The following SLC9A9 variants were observed in gnomAD, a reference collection of about 807,000 sequenced individuals.
SLC9A9 encodes the protein solute carrier family 9 member A9.
A neutral mutation model predicts 77.8 loss-of-function variants in SLC9A9; 62 were observed. The ratio of observed to expected loss-of-function variants is 0.80; its 90% CI spans 0.65 to 0.98. The LOEUF (loss-of-function observed/expected upper bound fraction) is 0.98, where lower values mean the gene tolerates loss of function less well. Among genes scored for constraint, SLC9A9 ranks in the 50% least tolerant of loss-of-function variants. SLC9A9 has a pLI of 0.00. For synonymous variants in SLC9A9, 320 were observed against 283.5 expected, an observed-to-expected ratio of 1.13 and a Z score of -1.29; for missense variants, 775 against 774.9, an observed-to-expected ratio of 1.00 and a Z score of 0.00.
chr3:143,365,967 T>C (rs185729261), intron 13 of SLC9A9, among the ~76,000 whole-genome samples: 49 of 152,338 alleles, frequency 3.2e-4, no homozygotes, highest in African/African-American at 1.2e-3. Flanking sequence ...GATACGTGGA[T>C]TTTTATCCAT....
chr3:143,550,177 G>A (rs1300796555), intron 9 of SLC9A9, among the ~76,000 whole-genome samples: 1 of 152,158 alleles, frequency 6.6e-6, no homozygotes, highest in Non-Finnish European at 1.5e-5. Context: ...GGGCTTCAAA[G>A]TAAGCTTTCA....
chr3:143,614,780 C>T (rs141446736), intron 6 of SLC9A9, among the ~76,000 whole-genome samples: 18 of 152,198 alleles, frequency 1.2e-4, no homozygotes, highest in African/African-American at 1.4e-4. Context: ...GTGGAGTACT[C>T]GGTGTTTTCT....
intron 9 of SLC9A9, among the ~76,000 whole-genome samples, chr3:143,516,239 GCTCT>G (rs71140441): frequency 6.6e-6 from 1 of 151,374 alleles, no homozygotes; most frequent in Non-Finnish European, 1.5e-5. Context: ...GCTTATTTTT[GCTCT>G]CTCTCTGACT....
rs748350825 is a variant in SLC9A9, at chr3:143,848,291, T to C, written c.32A>G (p.Lys11Arg). Residue 11 changes from lysine (K) to arginine (R), a missense_variant, in exon 1 of 16, where the codon AAG (lysine) becomes AGG (arginine). Transcript: ENST00000316549. MERQSRVMSE[K>R]DEYQFQHQGA... ...CTGATGTTGAAACTGATACTCATCC[T>C]TTTCTGACATAACCCTTGACTGTCT... The C allele has an allele frequency of 6.2e-7, 1 of 1,614,024 alleles. No homozygotes were observed. Among genetic ancestry groups the C allele is most frequent in the South Asian group, 1.1e-5 (1 of 91,076 alleles).
At chr3:143,790,391 T>G (rs535262272) in intron 4 of SLC9A9, among the ~76,000 whole-genome samples, 1 of 152,366 alleles carries the variant, frequency 6.6e-6, no homozygotes, top group Admixed American at 6.5e-5. Context: ...CTGTTTGCAA[T>G]TATATTCACA....
intron 14 of SLC9A9, among the ~76,000 whole-genome samples, chr3:143,305,508 C>T (rs913771597): frequency 2.0e-5 from 3 of 152,170 alleles, no homozygotes; most frequent in African/African-American, 7.2e-5. Context: ...ACCTTAAAGT[C>T]CCAAAGGCAA....
chr3:143,688,790 T>TTAA (rs1933360550), intron 5 of SLC9A9, among the ~76,000 whole-genome samples: 1 of 152,000 alleles, frequency 6.6e-6, no homozygotes, highest in Admixed American at 6.6e-5. Context: ...TCTCATACCA[T>TTAA]AAGCAAAATA....
intron 9 of SLC9A9, among the ~76,000 whole-genome samples, 159 bp downstream of exon 9, chr3:143,552,203 T>C (rs554604867): frequency 6.6e-6 from 1 of 152,320 alleles, no homozygotes; most frequent in African/African-American, 2.4e-5. Flanking sequence ...ATGGTTATCC[T>C]GGAGGGAAAA....
At chr3:143,428,378 A>G (rs1020571804) in intron 12 of SLC9A9, among the ~76,000 whole-genome samples, 1 of 152,198 alleles carries the variant, frequency 6.6e-6, no homozygotes, top group Non-Finnish European at 1.5e-5. Flanking sequence ...CCACGATGAG[A>G]TATCACCTCA....
intron 6 of SLC9A9, among the ~76,000 whole-genome samples, chr3:143,618,889 G>C (rs1370912044): frequency 6.6e-6 from 1 of 152,182 alleles, no homozygotes; most frequent in Non-Finnish European, 1.5e-5. Context: ...AGAGGGTTTA[G>C]ACCATTCTTC....
At chr3:143,376,401 T>A (rs2033181335) in intron 13 of SLC9A9, among the ~76,000 whole-genome samples, 2 of 152,352 alleles carry the variant, frequency 1.3e-5, no homozygotes, top group African/African-American at 4.8e-5. Flanking sequence ...AGCCCATCAC[T>A]GGTTTGTTGT....
At position 143,652,346 on chromosome 3, in the gene SLC9A9, T is replaced by C. The variant is rs1427883487; in HGVS notation, c.664A>G (p.Ile222Val). 1 of 1,612,386 alleles carries C rather than the reference T, an allele frequency of 6.2e-7. No homozygotes were observed. Among genetic ancestry groups the C allele is most frequent in the East Asian group, 2.2e-5 (1 of 44,810 alleles). The change falls in exon 6 of 16, where the codon ATT becomes GTT. Residue 222 changes from isoleucine (I) to valine (V), a missense_variant. Ile to Val is a conservative substitution (Grantham distance 29). Transcript: ENST00000316549. ...SATDPVTVLA[I>V]FHELHVDPDL... ...GGGTCGACGTGCAGTTCATGGAAAA[T>C]GGCCAGCACTGTCACTAGGAAGACA...
At chr3:143,777,589 A>G (rs1488179081) in intron 4 of SLC9A9, among the ~76,000 whole-genome samples, 1 of 152,160 alleles carries the variant, frequency 6.6e-6, no homozygotes, top group Non-Finnish European at 1.5e-5. Flanking sequence ...TCTAAATGAA[A>G]TGCACCTACC....
chr3:143,747,078 C>T (rs143139973), intron 4 of SLC9A9, among the ~76,000 whole-genome samples: 21 of 152,160 alleles, frequency 1.4e-4, no homozygotes, highest in African/African-American at 4.6e-4. Context: ...GGTCCTAATC[C>T]CTGGAACCCA....
At chr3:143,688,106 T>C (rs879327614) in intron 5 of SLC9A9, among the ~76,000 whole-genome samples, 8 of 151,708 alleles carry the variant, frequency 5.3e-5, no homozygotes, top group Non-Finnish European at 1.0e-4. Flanking sequence ...TCTTTTCCTT[T>C]CTTTCTTCTC....
chr3:143,626,766 A>G (rs188243084), intron 6 of SLC9A9: 1 of 152,286 alleles, frequency 6.6e-6, no homozygotes, highest in East Asian at 1.9e-4. Flanking sequence ...TAATATAATA[A>G]TAATTTAAAA....
chr3:143,440,048 A>G (rs927000837), intron 12 of SLC9A9, among the ~76,000 whole-genome samples: 1 of 152,246 alleles, frequency 6.6e-6, no homozygotes, highest in Non-Finnish European at 1.5e-5. Context: ...CATTGTTTTC[A>G]TGCTCACTTA....
intron 14 of SLC9A9, among the ~76,000 whole-genome samples, chr3:143,304,588 A>C (rs1030992793): frequency 6.6e-6 from 1 of 152,220 alleles, no homozygotes; most frequent in African/African-American, 2.4e-5. Context: ...GACTTGATAA[A>C]AGTCCAGCCA....
chr3:143,351,992 T>A (rs145232774), intron 14 of SLC9A9, among the ~76,000 whole-genome samples: 1 of 152,306 alleles, frequency 6.6e-6, no homozygotes, highest in Non-Finnish European at 1.5e-5. Flanking sequence ...GCTTCTGAGC[T>A]TGTACTGCTA....
Sources: allele counts gnomAD v4.1 joint callset (sites outside exome capture counted in the v4.1 genomes callset), GRCh38; gene constraint gnomAD v4.1.1; transcripts MANE v1.5; gene names NCBI Gene and HGNC (gene_info 2026-07-23, HGNC 2026-07-21).